Variants in LCORL observed in about 807,000 individuals in gnomAD.
LCORL encodes ligand dependent nuclear receptor corepressor like.
LCORL carries 41 observed loss-of-function variants against 141.8 expected under a neutral mutation model. The observed-to-expected ratio is 0.29, with a 90% CI of 0.23 to 0.38. LCORL has a LOEUF of 0.38. Ranked by LOEUF, LCORL falls within the 10% of genes least tolerant of loss-of-function variation. The pLI is 1.00. For synonymous variants in LCORL, 618 were observed against 694.1 expected, an observed-to-expected ratio of 0.89 and a Z score of 1.72; for missense variants, 1,759 against 2,035.0, an observed-to-expected ratio of 0.86 and a Z score of 2.61.
At chr4:17,895,604 C>T (rs1211649743) in intron 5 of LCORL, among the ~76,000 whole-genome samples, 1 of 152,114 alleles carries the variant, frequency 6.6e-6, no homozygotes, top group Non-Finnish European at 1.5e-5. Flanking sequence ...TATTACAATT[C>T]AGCAGTTTTC....
intron 4 of LCORL, among the ~76,000 whole-genome samples, chr4:17,930,796 C>T (rs747996803): frequency 7.2e-5 from 11 of 152,184 alleles, no homozygotes; most frequent in Non-Finnish European, 1.5e-4. Context: ...TTCACGGATA[C>T]ACACACAGTG....
exon 7 of LCORL, chr4:17,873,413 C>A: frequency 8.1e-7 from 1 of 1,233,628 alleles, no homozygotes; most frequent in Non-Finnish European, 1.0e-6. Context: ...AATAGTTTGC[C>A]ATTTGTCCAC....
intron 7 of LCORL, among the ~76,000 whole-genome samples, chr4:17,861,935 C>A (rs551024229): frequency 6.6e-6 from 1 of 152,290 alleles, no homozygotes; most frequent in African/African-American, 2.4e-5. Flanking sequence ...TCAGCCTTGA[C>A]CTTATTGTCC....
chr4:17,882,844 T>C, intron 6 of LCORL: 1 of 984,170 alleles, frequency 1.0e-6, no homozygotes, highest in South Asian at 4.7e-5. Context: ...GCTTTTTCTG[T>C]GCACATTATA....
intron 5 of LCORL, among the ~76,000 whole-genome samples, chr4:17,902,490 A>G (rs1326504821): frequency 1.3e-5 from 2 of 152,198 alleles, no homozygotes; most frequent in Non-Finnish European, 2.9e-5. Flanking sequence ...CAATTTCGTT[A>G]GCGGACATAG....
intron 4 of LCORL, among the ~76,000 whole-genome samples, chr4:17,949,278 T>TA (rs1739360700): frequency 6.6e-6 from 1 of 152,114 alleles, no homozygotes; most frequent in Admixed American, 6.5e-5. Context: ...ATAGTGATGC[T>TA]AAGGGTGGGC....
intron 6 of LCORL, chr4:17,881,419 T>C (rs1727560682): frequency 2.1e-6 from 2 of 944,000 alleles, no homozygotes; most frequent in Non-Finnish European, 2.5e-6. Flanking sequence ...AATAGAAATG[T>C]TTTGTTTCTT....
At chr4:18,009,336 C>T (rs1024447360) in intron 1 of LCORL, among the ~76,000 whole-genome samples, 8 of 151,978 alleles carry the variant, frequency 5.3e-5, no homozygotes, top group African/African-American at 1.9e-4. Flanking sequence ...TTTCCCTACA[C>T]GGACACCCTC....
chr4:17,955,525 A>G (rs1712428503), intron 4 of LCORL, among the ~76,000 whole-genome samples: 1 of 152,188 alleles, frequency 6.6e-6, no homozygotes, highest in African/African-American at 2.4e-5. Context: ...GCAACAGATA[A>G]CAATAAACAG....
At chr4:17,901,869 G>A (rs1054261107) in intron 5 of LCORL, among the ~76,000 whole-genome samples, 4 of 151,954 alleles carry the variant, frequency 2.6e-5, no homozygotes, top group Non-Finnish European at 5.9e-5. Flanking sequence ...AACAATATAG[G>A]ATATTATATA....
At chr4:17,963,762 AAT>A in intron 2 of LCORL, among the ~76,000 whole-genome samples, 1 of 152,086 alleles carries the variant, frequency 6.6e-6, no homozygotes, top group East Asian at 1.9e-4. Flanking sequence ...TGTCATCCTA[AAT>A]ATATCTGGCA....
intron 4 of LCORL, among the ~76,000 whole-genome samples, chr4:17,937,352 A>G (rs1434859722): frequency 6.6e-6 from 1 of 152,192 alleles, no homozygotes; most frequent in Non-Finnish European, 1.5e-5. Flanking sequence ...GTCCATTAAT[A>G]AAAAGTGTTA....
At chr4:17,869,538 G>C (rs1726086994) in intron 7 of LCORL, among the ~76,000 whole-genome samples, 1 of 152,038 alleles carries the variant, frequency 6.6e-6, no homozygotes, top group Non-Finnish European at 1.5e-5. Context: ...ACATTCTCCA[G>C]GCTTTCCTCT....
In LCORL at chr4:17,958,518, C is replaced by T. The variant is rs536259148; in HGVS notation, c.430+3385G>A. ...CTAAAGGCCAAAATAACTTAGTTTA[C>T]ATTTCATAAGGATATCTGTAAACAA... On this transcript the variant is annotated intron_variant, in intron 4 of 7. Transcript: ENST00000635767. Among the ~76,000 whole-genome samples the T allele has an allele frequency of 4.6e-5, 7 of 152,004 alleles. No individual in the cohort carries two copies. In the East Asian group the frequency reaches 9.7e-4, roughly 21 times the overall value.
chr4:18,005,272 T>C (rs1722615317), intron 1 of LCORL, among the ~76,000 whole-genome samples: 1 of 152,158 alleles, frequency 6.6e-6, no homozygotes, highest in Non-Finnish European at 1.5e-5. Context: ...ATGTCACACA[T>C]CCAGGTCACA....
intron 6 of LCORL, chr4:17,883,863 T>C: frequency 6.4e-7 from 1 of 1,550,662 alleles, no homozygotes; most frequent in Non-Finnish European, 8.7e-7. Flanking sequence ...TCTAAAGTGC[T>C]GTGAGGTACC....
chr4:17,990,255 C>T (rs1309427582), intron 1 of LCORL, among the ~76,000 whole-genome samples: 2 of 152,046 alleles, frequency 1.3e-5, no homozygotes, highest in South Asian at 2.1e-4. Context: ...CCCACCACCA[C>T]GCCCGGCTAA....
intron 7 of LCORL, among the ~76,000 whole-genome samples, chr4:17,860,124 G>A (rs933822122): frequency 2.0e-5 from 3 of 152,104 alleles, no homozygotes; most frequent in African/African-American, 7.2e-5. Flanking sequence ...CATTCATATG[G>A]AACCAACAAA....
chr4:17,979,419 G>A (rs1351444788), intron 1 of LCORL, among the ~76,000 whole-genome samples: 3 of 152,072 alleles, frequency 2.0e-5, no homozygotes, highest in Non-Finnish European at 4.4e-5. Flanking sequence ...TTCATCCTCT[G>A]ACTTGTTAAT....
Sources: gnomAD v4.1 joint callset for allele counts (sites outside exome capture counted in the v4.1 genomes callset) on GRCh38, gnomAD v4.1.1 for gene constraint, MANE v1.5 for transcripts, NCBI Gene and HGNC (gene_info 2026-07-23, HGNC 2026-07-21) for gene names.